The following CFTR variants were observed in gnomAD, a reference collection of about 807,000 sequenced individuals.
The protein encoded by CFTR is CF transmembrane conductance regulator, also known as cystic fibrosis transmembrane conductance regulator.
In CFTR, 181 loss-of-function variants were observed where a neutral mutation model predicts 171.6. The ratio of observed to expected loss-of-function variants is 1.05; its 90% CI spans 0.93 to 1.19. CFTR has a LOEUF of 1.19. Ranked by LOEUF, CFTR falls within the 50% of genes most tolerant of loss-of-function variation. The pLI is 0.00. For missense variants in CFTR, 1,968 were observed against 1,734.7 expected (o/e 1.13, Z -2.39); for synonymous variants, 583 against 608.0 (o/e 0.96, Z 0.60).
chr7:117,649,687 A>G (rs1407390285), intron 23 of CFTR, among the ~76,000 whole-genome samples: 1 of 151,996 alleles, frequency 6.6e-6, no homozygotes, highest in Non-Finnish European at 1.5e-5. Flanking sequence ...AGCATATATT[A>G]TGAACACAGC....
At chr7:117,581,506 G>A (rs1791849700) in intron 11 of CFTR, among the ~76,000 whole-genome samples, 1 of 152,062 alleles carries the variant, frequency 6.6e-6, no homozygotes, top group Non-Finnish European at 1.5e-5. Flanking sequence ...ACAAAATTAT[G>A]AGAGTTACCA....
At chr7:117,567,762 C>A (rs1396611242) in intron 11 of CFTR, among the ~76,000 whole-genome samples, 1 of 152,116 alleles carries the variant, frequency 6.6e-6, no homozygotes, top group Non-Finnish European at 1.5e-5. Flanking sequence ...ACTCTAGGAA[C>A]ATATTTGATG....
At chr7:117,490,502 G>A (rs182210324) in intron 1 of CFTR, among the ~76,000 whole-genome samples, 18 of 152,058 alleles carry the variant, frequency 1.2e-4, no homozygotes, top group Non-Finnish European at 2.2e-4. Context: ...TCCTTCTCTG[G>A]GAGGCCAGCC....
intron 22 of CFTR, among the ~76,000 whole-genome samples, chr7:117,641,705 T>G (rs1439753175): frequency 6.6e-6 from 1 of 152,200 alleles, no homozygotes; most frequent in South Asian, 2.1e-4. Context: ...GCACTTGATC[T>G]CCTCATGCAG....
intron 9 of CFTR, among the ~76,000 whole-genome samples, chr7:117,547,563 C>T (rs1346618245): frequency 5.9e-5 from 9 of 151,752 alleles, no homozygotes; most frequent in African/African-American, 9.7e-5. Context: ...GCCTTATTCC[C>T]CTACTTATTT....
Position 117,540,080 on chromosome 7 carries a change from A to G in CFTR, c.870-20A>G. On this transcript the variant is annotated intron_variant, in intron 7 of 26. Coordinates refer to ENST00000003084, the MANE Select transcript of CFTR (RefSeq NM_000492.4). The stretch of plus-strand genomic sequence containing the variant: ...AAAATAAAATAACATCCTGAATTTT[A>G]TTGTTATTGTTTTTTATAGAACAGA... The G allele has an allele frequency of 6.2e-7, 1 of 1,600,174 alleles. No homozygotes were observed. Among genetic ancestry groups the G allele is most frequent in the Non-Finnish European group, 8.6e-7 (1 of 1,168,136 alleles).
intron 3 of CFTR, among the ~76,000 whole-genome samples, chr7:117,530,408 T>A (rs1447701037): frequency 1.3e-5 from 2 of 152,152 alleles, no homozygotes; most frequent in African/African-American, 4.8e-5. Context: ...AAGTTCTAGT[T>A]TGAAATTACA....
chr7:117,540,022 C>T, intron 7 of CFTR, 78 bp from the exon 8 acceptor site: 1 of 1,225,782 alleles, frequency 8.2e-7, no homozygotes, highest in Non-Finnish European at 1.2e-6. Flanking sequence ...AGACCATGCT[C>T]AGATCTTCCA....
At chr7:117,618,059 T>C (rs1792520212) in intron 21 of CFTR, among the ~76,000 whole-genome samples, 1 of 152,156 alleles carries the variant, frequency 6.6e-6, no homozygotes, top group Admixed American at 6.6e-5. Context: ...ACTTTCTCTC[T>C]TGCTTCCATG....
intron 24 of CFTR, among the ~76,000 whole-genome samples, chr7:117,655,666 A>C (rs1483169865): frequency 6.6e-6 from 1 of 152,140 alleles, no homozygotes; most frequent in East Asian, 1.9e-4. Flanking sequence ...CTGCTTCCAC[A>C]TTGAGTATTT....
chr7:117,535,828 C>T (rs1798945177), intron 6 of CFTR, among the ~76,000 whole-genome samples: 1 of 152,058 alleles, frequency 6.6e-6, no homozygotes, highest in Non-Finnish European at 1.5e-5. Context: ...GCTACCGCGC[C>T]CGGCCTAAAA....
Position 117,492,361 on chromosome 7 carries a change from T to C in CFTR, c.54-11892T>C, listed in dbSNP as rs35445590. On this transcript the variant is annotated intron_variant, in intron 1 of 26. Coordinates refer to ENST00000003084, the MANE Select transcript of CFTR (RefSeq NM_000492.4). The stretch of plus-strand genomic sequence containing the variant: ...TGAAAAATGTTTTGACCTTTTTTTT[T>C]TGGCTTTTAATATATTTGACCAAGA... Among the ~76,000 whole-genome samples, 823 of 152,124 alleles carry C rather than the reference T, an allele frequency of 5.4e-3. 7 individuals carry two copies. Among genetic ancestry groups the C allele is most frequent in the African/African-American group, 0.018 (768 of 41,514 alleles).
At chr7:117,610,981 C>T (rs1350125696) in intron 19 of CFTR, among the ~76,000 whole-genome samples, 3 of 152,044 alleles carry the variant, frequency 2.0e-5, no homozygotes, top group Non-Finnish European at 2.9e-5. Context: ...AAGGATAGTG[C>T]TGCTATTACT....
At chr7:117,504,493 C>A in intron 2 of CFTR, 130 bp downstream of exon 2, 1 of 637,712 alleles carries the variant, frequency 1.6e-6, no homozygotes. Context: ...GTGGCTAATG[C>A]CTGTAATCCC....
chr7:117,631,098 A>G (rs543137223), intron 22 of CFTR, among the ~76,000 whole-genome samples: 2 of 152,048 alleles, frequency 1.3e-5, no homozygotes, highest in Non-Finnish European at 2.9e-5. Flanking sequence ...TCATCCTCCC[A>G]AAGTGCTAGG....
chr7:117,540,989 A>C (rs1176527952), intron 8 of CFTR, among the ~76,000 whole-genome samples: 1 of 152,186 alleles, frequency 6.6e-6, no homozygotes, highest in Non-Finnish European at 1.5e-5. Flanking sequence ...CCTCTTTTGA[A>C]GAATTGGAAT....
intron 23 of CFTR, among the ~76,000 whole-genome samples, chr7:117,648,202 A>C (rs1383766153): frequency 6.6e-6 from 1 of 151,738 alleles, no homozygotes; most frequent in African/African-American, 2.4e-5. Context: ...TTCTGAGACA[A>C]AGCCAAACAG....
At chr7:117,520,713 T>G (rs905690880) in intron 3 of CFTR, among the ~76,000 whole-genome samples, 1 of 151,992 alleles carries the variant, frequency 6.6e-6, no homozygotes, top group African/African-American at 2.4e-5. Flanking sequence ...CACATTATTC[T>G]TATTCCTCAA....
chr7:117,511,974 T>C (rs573558198), intron 3 of CFTR, among the ~76,000 whole-genome samples: 9 of 152,328 alleles, frequency 5.9e-5, no homozygotes, highest in Non-Finnish European at 1.2e-4. Flanking sequence ...TCTTCTTTTC[T>C]TTCACTGAGC....
Sources: allele counts gnomAD v4.1 joint callset (sites outside exome capture counted in the v4.1 genomes callset), GRCh38; gene constraint gnomAD v4.1.1; transcripts MANE v1.5; gene names NCBI Gene and HGNC (gene_info 2026-07-23, HGNC 2026-07-21).